The following PCDH9 variants were observed in gnomAD, a reference collection of about 807,000 sequenced individuals.
The protein encoded by PCDH9 is protocadherin 9, also known as protocadherin-9.
A neutral mutation model predicts 70.6 loss-of-function variants in PCDH9; 24 were observed. The observed-to-expected ratio is 0.34, with a 90% CI of 0.25 to 0.48. PCDH9 has a LOEUF of 0.48. Ranked by LOEUF, PCDH9 falls within the 20% of genes least tolerant of loss-of-function variation. The probability of loss-of-function intolerance (pLI) is 0.99; values close to 1 mark genes in which losing one functional copy is unlikely to be tolerated. For synonymous variants in PCDH9, 562 were observed against 558.5 expected (o/e 1.01, Z -0.09); for missense variants, 1,281 against 1,503.6 (o/e 0.85, Z 2.45).
At chr13:66,487,072 T>C (rs546127903) in intron 4 of PCDH9, among the ~76,000 whole-genome samples, 1 of 152,360 alleles carries the variant, frequency 6.6e-6, no homozygotes, top group East Asian at 1.9e-4. Flanking sequence ...AAGGATCATT[T>C]AACATATCAC....
At chr13:66,553,821 C>T (rs1961601905) in intron 4 of PCDH9, among the ~76,000 whole-genome samples, 1 of 152,098 alleles carries the variant, frequency 6.6e-6, no homozygotes, top group Non-Finnish European at 1.5e-5. Flanking sequence ...TTTCTATTTC[C>T]ATTTTAATAA....
chr13:66,584,662 T>G (rs2076939137), intron 4 of PCDH9, among the ~76,000 whole-genome samples: 3 of 152,182 alleles, frequency 2.0e-5, no homozygotes, highest in Admixed American at 2.0e-4. Context: ...TTTACAGTAG[T>G]CTTCATCATA....
intron 2 of PCDH9, among the ~76,000 whole-genome samples, chr13:66,924,992 T>A (rs145482853): frequency 0.012 from 1,780 of 151,956 alleles, 38 homozygotes; most frequent in African/African-American, 0.041. Context: ...TGATTTTTTT[T>A]ATAAAAAACA....
intron 2 of PCDH9, among the ~76,000 whole-genome samples, chr13:67,004,471 C>T (rs1221522146): frequency 8.0e-5 from 12 of 149,532 alleles, no homozygotes; most frequent in Non-Finnish European, 1.8e-4. Context: ...CTCAGAGAAT[C>T]GCTTGAACCC....
chr13:66,618,104 G>A (rs1445201363), intron 4 of PCDH9, among the ~76,000 whole-genome samples: 2 of 152,164 alleles, frequency 1.3e-5, no homozygotes, highest in East Asian at 3.8e-4. Context: ...AAACACTCTA[G>A]CAAGCTACTC....
chr13:66,491,857 G>A lies in PCDH9; in HGVS notation c.3340+139353C>T, dbSNP rs146345187. ...GTTCTATTAGTCACACCTAGTGCAG[G>A]TACTTTGGGTTAAGCTGATTCCACA... On this transcript the variant is annotated intron_variant, in intron 4 of 4. Coordinates refer to ENST00000377865, the MANE Select transcript of PCDH9 (RefSeq NM_203487.3). Among the ~76,000 whole-genome samples the A allele has an allele frequency of 9.4e-4, 143 of 152,048 alleles. 3 individuals carry two copies. The highest frequency in any genetic ancestry group is 5.0e-3 in the South Asian group (24 of 4,818).
At chr13:66,477,739 A>G (rs964229845) in intron 4 of PCDH9, among the ~76,000 whole-genome samples, 1 of 152,236 alleles carries the variant, frequency 6.6e-6, no homozygotes, top group Non-Finnish European at 1.5e-5. Context: ...TCACATGCAA[A>G]TCATAATTGA....
At chr13:67,090,217 T>C (rs1437789030) in intron 2 of PCDH9, among the ~76,000 whole-genome samples, 2 of 152,038 alleles carry the variant, frequency 1.3e-5, no homozygotes, top group Admixed American at 6.6e-5. Flanking sequence ...AATATTAATA[T>C]GTATATGAAT....
intron 2 of PCDH9, among the ~76,000 whole-genome samples, chr13:67,010,819 T>C (rs2084438552): frequency 6.6e-6 from 1 of 151,888 alleles, no homozygotes; most frequent in Admixed American, 6.6e-5. Context: ...CGATGGGAGG[T>C]AGAAACTAGT....
At chr13:67,088,338 C>T (rs931009203) in intron 2 of PCDH9, among the ~76,000 whole-genome samples, 6 of 151,852 alleles carry the variant, frequency 4.0e-5, no homozygotes, top group South Asian at 2.1e-4. Context: ...AAGACTAGAC[C>T]GCAGGCCATA....
chr13:66,904,946 C>T (rs2082336011), intron 2 of PCDH9, among the ~76,000 whole-genome samples: 1 of 151,892 alleles, frequency 6.6e-6, no homozygotes, highest in Admixed American at 6.6e-5. Flanking sequence ...TATTTTATAT[C>T]TGTTCTCTCT....
intron 3 of PCDH9, among the ~76,000 whole-genome samples, chr13:66,636,505 A>T (rs577880408): frequency 2.0e-4 from 31 of 152,230 alleles, no homozygotes; most frequent in African/African-American, 7.0e-4. Context: ...TAAATAAACC[A>T]ATTATCTAAT....
intron 4 of PCDH9, among the ~76,000 whole-genome samples, chr13:66,415,241 A>C (rs1300252203): frequency 6.6e-6 from 1 of 152,154 alleles, no homozygotes; most frequent in Non-Finnish European, 1.5e-5. Context: ...TCACCTTTCT[A>C]ATCAAATTAG....
intron 3 of PCDH9, among the ~76,000 whole-genome samples, chr13:66,677,557 T>C (rs1190093836): frequency 6.6e-6 from 1 of 152,068 alleles, no homozygotes; most frequent in African/African-American, 2.4e-5. Context: ...TGTGTCTTTG[T>C]GATAGTGAGT....
intron 4 of PCDH9, among the ~76,000 whole-genome samples, chr13:66,451,272 T>C (rs1236727161): frequency 3.3e-5 from 5 of 152,202 alleles, no homozygotes; most frequent in Admixed American, 3.3e-4. Context: ...GAAATATGAA[T>C]CTAATTTAGA....
intron 4 of PCDH9, among the ~76,000 whole-genome samples, chr13:66,446,256 A>C (rs933715054): frequency 1.3e-5 from 2 of 152,078 alleles, no homozygotes; most frequent in Admixed American, 6.6e-5. Context: ...AAGAGTAACC[A>C]ACATTTGCCA....
intron 4 of PCDH9, among the ~76,000 whole-genome samples, chr13:66,596,671 C>T (rs2077106951): frequency 6.6e-6 from 1 of 151,524 alleles, no homozygotes; most frequent in Non-Finnish European, 1.5e-5. Context: ...TTAGCTTAAC[C>T]ATAATATGTC....
intron 4 of PCDH9, among the ~76,000 whole-genome samples, chr13:66,597,556 C>T (rs768916704): frequency 2.6e-5 from 4 of 151,586 alleles, no homozygotes; most frequent in Non-Finnish European, 4.4e-5. Context: ...GACCCCTATC[C>T]CACATCATAC....
chr13:67,014,389 C>A (rs1021048933), intron 2 of PCDH9, among the ~76,000 whole-genome samples: 2 of 152,008 alleles, frequency 1.3e-5, no homozygotes, highest in African/African-American at 4.8e-5. Flanking sequence ...TTGATGGTGT[C>A]TTCTAGAACT....
Sources: gnomAD v4.1 joint callset for allele counts (sites outside exome capture counted in the v4.1 genomes callset) on GRCh38, gnomAD v4.1.1 for gene constraint, MANE v1.5 for transcripts, NCBI Gene and HGNC (gene_info 2026-07-23, HGNC 2026-07-21) for gene names.